Variants in CACHD1 observed in about 807,000 individuals in gnomAD.
The protein encoded by CACHD1 is cache domain containing 1, also known as VWFA and cache domain-containing protein 1.
CACHD1 carries 71 observed loss-of-function variants against 138.7 expected under a neutral mutation model. That is an observed-to-expected ratio of 0.51 (90% CI 0.42 to 0.62). The LOEUF (loss-of-function observed/expected upper bound fraction) is 0.62. Ranked by LOEUF, CACHD1 falls within the 20% of genes least tolerant of loss-of-function variation. The probability of loss-of-function intolerance (pLI) is 0.00; values close to 1 mark genes in which losing one functional copy is unlikely to be tolerated. For synonymous variants in CACHD1, 578 were observed against 591.5 expected (o/e 0.98, Z 0.33); for missense variants, 1,389 against 1,625.3 (o/e 0.85, Z 2.50).
At chr1:64,583,749 G>A (rs1212943715) in intron 3 of CACHD1, among the ~76,000 whole-genome samples, 1 of 152,148 alleles carries the variant, frequency 6.6e-6, no homozygotes, top group African/African-American at 2.4e-5. Context: ...GAGGAGCAAA[G>A]ACACGTCTTA....
chr1:64,643,877 T>A lies in CACHD1; in HGVS notation c.1156+1908T>A, dbSNP rs565619768. ...CCAGCATAAGGAGTTTATGAAAGCT[T>A]ATATGGTTTCCTGTCTCAGACAGTA... On this transcript the variant is annotated intron_variant, in intron 8 of 26. Coordinates refer to ENST00000651257, the MANE Select transcript of CACHD1 (RefSeq NM_020925.4). Among the ~76,000 whole-genome samples, 6 of 152,278 alleles carry A rather than the reference T, an allele frequency of 3.9e-5. No individual in the cohort carries two copies. In the South Asian group the frequency reaches 8.3e-4, roughly 21 times the overall value.
Position 64,634,039 on chromosome 1 carries a change from T to C in CACHD1, c.790-5T>C, listed in dbSNP as rs755551827. On this transcript the variant is annotated splice_polypyrimidine_tract_variant and splice_region_variant and intron_variant, in intron 6 of 26. Coordinates refer to ENST00000651257, the MANE Select transcript of CACHD1 (RefSeq NM_020925.4). ...GGTGGTTTTTTTTTTTTTTCTTTCCTGCAGATTTCTGTGTTAACTGTGGCA... is the reference window on the plus strand; with the variant it reads ...GGTGGTTTTTTTTTTTTTTCTTTCCCGCAGATTTCTGTGTTAACTGTGGCA... 3 of 1,564,028 alleles carry C rather than the reference T, an allele frequency of 1.9e-6. No individual in the cohort carries two copies. Among genetic ancestry groups the C allele is most frequent in the South Asian group, 2.3e-5 (2 of 85,416 alleles).
intron 1 of CACHD1, among the ~76,000 whole-genome samples, chr1:64,510,661 G>A (rs1646413698): frequency 6.6e-6 from 1 of 152,018 alleles, no homozygotes. Context: ...GTTCATTTCT[G>A]TCTTTTATTT....
intron 26 of CACHD1, among the ~76,000 whole-genome samples, chr1:64,682,743 A>G (rs1454896851): frequency 6.6e-6 from 1 of 152,034 alleles, no homozygotes; most frequent in Non-Finnish European, 1.5e-5. Context: ...ACTCTGCCAA[A>G]GACTTGGCCA....
At chr1:64,683,321 C>T (rs12097369) in intron 26 of CACHD1, among the ~76,000 whole-genome samples, 18,393 of 152,174 alleles carry the variant, frequency 0.12, 2,243 homozygotes, top group East Asian at 0.4. Flanking sequence ...TCTCTACAAA[C>T]CTTTGAACTT....
At chr1:64,509,572 TAAG>T (rs1646403324) in intron 1 of CACHD1, among the ~76,000 whole-genome samples, 1 of 152,242 alleles carries the variant, frequency 6.6e-6, no homozygotes, top group African/African-American at 2.4e-5. Flanking sequence ...AGTAATTTTA[TAAG>T]TCTTTATTTT....
At chr1:64,629,259 A>G in intron 4 of CACHD1, 96 bp from the exon 5 acceptor site, 1 of 1,360,722 alleles carries the variant, frequency 7.3e-7, no homozygotes, top group Non-Finnish European at 1.0e-6. Flanking sequence ...ATTTCTTCAT[A>G]CTAGAAGCAG....
At chr1:64,633,905 C>T (rs1013217274) in intron 6 of CACHD1, 139 bp from the exon 7 acceptor site, 43 of 643,858 alleles carry the variant, frequency 6.7e-5, no homozygotes, top group Non-Finnish European at 1.1e-4. Context: ...ATGGATGGCT[C>T]CAGGGATTTA....
chr1:64,642,553 G>T (rs1310415901), intron 8 of CACHD1, among the ~76,000 whole-genome samples: 1 of 152,074 alleles, frequency 6.6e-6, no homozygotes, highest in Non-Finnish European at 1.5e-5. Flanking sequence ...AATGTAAAAG[G>T]GTTTAGTAAA....
At chr1:64,486,453 G>A (rs1646244051) in intron 1 of CACHD1, among the ~76,000 whole-genome samples, 1 of 151,650 alleles carries the variant, frequency 6.6e-6, no homozygotes, top group Admixed American at 6.6e-5. Flanking sequence ...TTATCTTCCG[G>A]ATGTGGACTA....
chr1:64,561,231 A>G (rs569104124), intron 2 of CACHD1, among the ~76,000 whole-genome samples: 1 of 151,024 alleles, frequency 6.6e-6, no homozygotes, highest in South Asian at 2.1e-4. Context: ...TTAATATTCT[A>G]TCAACTTCAC....
intron 9 of CACHD1, among the ~76,000 whole-genome samples, chr1:64,651,911 G>T (rs1233457568): frequency 6.6e-6 from 1 of 152,188 alleles, no homozygotes; most frequent in Non-Finnish European, 1.5e-5. Flanking sequence ...GGAAAACATA[G>T]AAATTGCCTC....
chr1:64,685,678 AAAT>A (rs1196823230), intron 26 of CACHD1, among the ~76,000 whole-genome samples: 1 of 151,986 alleles, frequency 6.6e-6, no homozygotes, highest in African/African-American at 2.4e-5. Context: ...TGTCTCTACA[AAAT>A]AAAAAAATTA....
intron 3 of CACHD1, among the ~76,000 whole-genome samples, chr1:64,597,086 G>C (rs565468658): frequency 5.3e-4 from 81 of 152,152 alleles, no homozygotes; most frequent in African/African-American, 1.9e-3. Flanking sequence ...TGTGTGAGTG[G>C]GGGGGTGCTG....
At chr1:64,476,353 C>A (rs1646174683) in intron 1 of CACHD1, among the ~76,000 whole-genome samples, 1 of 152,180 alleles carries the variant, frequency 6.6e-6, no homozygotes, top group African/African-American at 2.4e-5. Flanking sequence ...TAACTGCAAG[C>A]TGATTTGCAG....
At chr1:64,655,194 G>A (rs1204203695) in intron 12 of CACHD1, among the ~76,000 whole-genome samples, 1 of 152,162 alleles carries the variant, frequency 6.6e-6, no homozygotes, top group Non-Finnish European at 1.5e-5. Flanking sequence ...TTAAGCCTGA[G>A]AGGTTGAAGC....
intron 19 of CACHD1, among the ~76,000 whole-genome samples, chr1:64,673,907 C>G (rs1366877047): frequency 6.6e-6 from 1 of 152,100 alleles, no homozygotes; most frequent in Non-Finnish European, 1.5e-5. Context: ...TGTAAATCAT[C>G]TGAAAATAAT....
At chr1:64,577,366 T>C (rs1646976445) in intron 2 of CACHD1, among the ~76,000 whole-genome samples, 1 of 152,218 alleles carries the variant, frequency 6.6e-6, no homozygotes, top group Non-Finnish European at 1.5e-5. Flanking sequence ...CTAATTCTTA[T>C]TATAAAGTAA....
chr1:64,507,197 G>A (rs1312286294), intron 1 of CACHD1, among the ~76,000 whole-genome samples: 2 of 152,130 alleles, frequency 1.3e-5, no homozygotes, highest in Non-Finnish European at 1.5e-5. Flanking sequence ...CTACCTCCCC[G>A]GAACCTCTCC....
Sources: allele counts gnomAD v4.1 joint callset (sites outside exome capture counted in the v4.1 genomes callset), GRCh38; gene constraint gnomAD v4.1.1; transcripts MANE v1.5; gene names NCBI Gene and HGNC (gene_info 2026-07-23, HGNC 2026-07-21).